The following STK35 variants were observed in gnomAD, a reference collection of about 807,000 sequenced individuals.
STK35 encodes serine/threonine-protein kinase 35.
In STK35, 17 loss-of-function variants were observed where a neutral mutation model predicts 37.3. The ratio of observed to expected loss-of-function variants is 0.46; its 90% CI spans 0.31 to 0.68. The LOEUF is 0.68. STK35 is among the 30% of genes least tolerant of loss of function. STK35 has a pLI of 0.05. For synonymous variants in STK35, 385 were observed against 319.1 expected (o/e 1.21, Z -2.20); for missense variants, 595 against 746.7 (o/e 0.80, Z 2.37).
intron 2 of STK35, among the ~76,000 whole-genome samples, chr20:2,113,318 A>G (rs747852964): frequency 7.9e-5 from 12 of 152,312 alleles, no homozygotes; most frequent in Non-Finnish European, 1.0e-4. Flanking sequence ...TAGATTGCTA[A>G]CCAGAATATC....
At chr20:2,140,092 CT>C (rs1219400381) in intron 3 of STK35, among the ~76,000 whole-genome samples, 1 of 152,218 alleles carries the variant, frequency 6.6e-6, no homozygotes, top group Non-Finnish European at 1.5e-5. Flanking sequence ...TTCTCTGGGC[CT>C]GTTTTCTTGT....
chr20:2,115,255 T>G (rs1477010030), intron 2 of STK35, among the ~76,000 whole-genome samples: 3 of 152,164 alleles, frequency 2.0e-5, no homozygotes, highest in Non-Finnish European at 4.4e-5. Flanking sequence ...TTTAGTAGAC[T>G]GTGAGCCTTG....
intron 3 of STK35, among the ~76,000 whole-genome samples, chr20:2,135,514 T>C (rs192253942): frequency 9.8e-5 from 15 of 152,296 alleles, no homozygotes; most frequent in Non-Finnish European, 1.6e-4. Flanking sequence ...AAGAGACTTA[T>C]AGGATATATT....
intron 3 of STK35, among the ~76,000 whole-genome samples, chr20:2,130,540 A>T (rs892867772): frequency 2.6e-5 from 4 of 152,022 alleles, no homozygotes; most frequent in Admixed American, 2.6e-4. Context: ...CAGCCTGGTG[A>T]TCCTGTCACG....
intron 2 of STK35, among the ~76,000 whole-genome samples, chr20:2,111,390 A>G (rs1407406259): frequency 6.6e-6 from 1 of 152,174 alleles, no homozygotes; most frequent in Non-Finnish European, 1.5e-5. Context: ...TCTGTAAGCG[A>G]CACATCTCTA....
chr20:2,102,196 C>A (rs757332125), intron 1 of STK35, 21 bp downstream of exon 1: 29 of 1,370,190 alleles, frequency 2.1e-5, no homozygotes, highest in Non-Finnish European at 1.1e-5. Context: ...CGTTGGAGGA[C>A]TGAAGGCCAG....
At chr20:2,116,558 C>T (rs771066777) in intron 2 of STK35, 108 bp from the exon 3 acceptor site, 5 of 1,210,256 alleles carry the variant, frequency 4.1e-6, no homozygotes, top group Non-Finnish European at 4.6e-6. Flanking sequence ...CCCCTTGGAG[C>T]AGTTGTTTGT....
Position 2,101,955 on chromosome 20 carries a change from G to A in STK35, c.74G>A (p.Gly25Glu). The A allele has an allele frequency of 6.6e-7, 1 of 1,520,816 alleles. No individual in the cohort carries two copies. The highest frequency in any genetic ancestry group is 2.5e-5 in the East Asian group (1 of 40,256). 94.2% of individuals were successfully genotyped at this position (1,520,816 alleles called of 1,614,324 possible). A position where few individuals can be genotyped will look rare whatever the true frequency, so the allele number is the denominator to read the frequency against. ...GAAYVKRLCK[G>E]LSWREHVESH... The stretch of plus-strand genomic sequence containing the variant: ...GCTTATGTAAAGAGGTTATGTAAAG[G>A]GCTCAGCTGGCGCGAACACGTGGAA... The change falls in exon 1 of 4, where the codon GGG becomes GAG. Residue 25 changes from glycine to glutamate, a missense_variant. Physicochemically the swap from Gly to Glu is moderately conservative, Grantham distance 98. Transcript: ENST00000381482.
chr20:2,109,559 C>T (rs138408116), intron 2 of STK35, among the ~76,000 whole-genome samples: 1 of 152,328 alleles, frequency 6.6e-6, no homozygotes, highest in Non-Finnish European at 1.5e-5. Flanking sequence ...CAGCACAACA[C>T]TAGAGAAAGG....
chr20:2,139,632 A>T (rs967393239), intron 3 of STK35, among the ~76,000 whole-genome samples: 6 of 152,188 alleles, frequency 3.9e-5, no homozygotes, highest in African/African-American at 1.4e-4. Flanking sequence ...GACGAGGGGG[A>T]CGATAACCCC....
chr20:2,128,785 T>C (rs1007238226), intron 3 of STK35, among the ~76,000 whole-genome samples: 3 of 152,028 alleles, frequency 2.0e-5, no homozygotes, highest in Non-Finnish European at 2.9e-5. Flanking sequence ...CAACAGGGCA[T>C]AGGAAACAGG....
At chr20:2,133,356 C>T (rs1185571507) in intron 3 of STK35, among the ~76,000 whole-genome samples, 1 of 152,226 alleles carries the variant, frequency 6.6e-6, no homozygotes, top group Non-Finnish European at 1.5e-5. Flanking sequence ...ACAACTGAAC[C>T]TGTCTCTGGG....
At chr20:2,103,968 C>T (rs1049289401) in intron 2 of STK35, among the ~76,000 whole-genome samples, 17 of 152,176 alleles carry the variant, frequency 1.1e-4, no homozygotes, top group Non-Finnish European at 2.1e-4. Context: ...TGCAGGCTGA[C>T]AACCCTCACA....
intron 3 of STK35, among the ~76,000 whole-genome samples, chr20:2,127,467 T>C (rs1369462290): frequency 6.6e-6 from 1 of 152,128 alleles, no homozygotes; most frequent in East Asian, 1.9e-4. Context: ...AGTAACCAGA[T>C]TGCATCTTGG....
intron 2 of STK35, among the ~76,000 whole-genome samples, chr20:2,115,894 T>G (rs1305709631): frequency 6.6e-6 from 1 of 152,034 alleles, no homozygotes; most frequent in Admixed American, 6.6e-5. Flanking sequence ...TGGCCACTCC[T>G]GCCCCCCCCT....
chr20:2,109,841 A>T (rs1234697713), intron 2 of STK35, among the ~76,000 whole-genome samples: 1 of 152,240 alleles, frequency 6.6e-6, no homozygotes, highest in Non-Finnish European at 1.5e-5. Context: ...CCAGGATCAT[A>T]TAGCTATGTA....
intron 3 of STK35, among the ~76,000 whole-genome samples, chr20:2,139,206 T>C: frequency 6.6e-6 from 1 of 152,296 alleles, no homozygotes; most frequent in South Asian, 2.1e-4. Context: ...GTTCCCCTCA[T>C]ATCTCCCAGG....
At chr20:2,141,891 G>T (rs2122591396) in intron 3 of STK35, among the ~76,000 whole-genome samples, 1 of 152,244 alleles carries the variant, frequency 6.6e-6, no homozygotes, top group South Asian at 2.1e-4. Context: ...CTTATTTTTG[G>T]ACTTGTGAGT....
chr20:2,114,633 G>A (rs755387488), intron 2 of STK35, among the ~76,000 whole-genome samples: 29 of 152,216 alleles, frequency 1.9e-4, no homozygotes, highest in South Asian at 2.1e-4. Flanking sequence ...TCCTCAGTCC[G>A]AAGGTCCAGT....
Sources: gnomAD v4.1 joint callset for allele counts (sites outside exome capture counted in the v4.1 genomes callset) on GRCh38, gnomAD v4.1.1 for gene constraint, MANE v1.5 for transcripts, NCBI Gene and HGNC (gene_info 2026-07-23, HGNC 2026-07-21) for gene names.